The following SPHKAP variants were observed in gnomAD, a reference collection of about 807,000 sequenced individuals.
The protein encoded by SPHKAP is SPHK1 interactor, AKAP domain containing.
A neutral mutation model predicts 137.5 loss-of-function variants in SPHKAP; 67 were observed. The observed-to-expected ratio is 0.49, with a 90% CI of 0.40 to 0.60. The LOEUF (loss-of-function observed/expected upper bound fraction) is 0.60. SPHKAP is among the 20% of genes least tolerant of loss of function. The pLI, the probability that SPHKAP is intolerant of heterozygous loss-of-function variation, is 0.00. For synonymous variants in SPHKAP, 813 were observed against 785.3 expected (o/e 1.04, Z -0.59); for missense variants, 2,097 against 2,069.3 (o/e 1.01, Z -0.26).
chr2:228,091,338 G>A (rs776687847), intron 3 of SPHKAP, among the ~76,000 whole-genome samples: 10 of 152,202 alleles, frequency 6.6e-5, no homozygotes, highest in African/African-American at 7.2e-5. Context: ...TGGAAAACCC[G>A]TTCTAGACAT....
chr2:228,074,526 C>T (rs991526584), intron 3 of SPHKAP, among the ~76,000 whole-genome samples: 6 of 152,040 alleles, frequency 3.9e-5, no homozygotes, highest in Non-Finnish European at 8.8e-5. Context: ...CTCGTGAGAA[C>T]CACTCACTAT....
Position 228,148,954 on chromosome 2 carries a change from T to C in SPHKAP, c.33-16869A>G, listed in dbSNP as rs947910428. On this transcript the variant is annotated intron_variant, in intron 1 of 11. Coordinates refer to ENST00000392056, the MANE Select transcript of SPHKAP (RefSeq NM_001142644.2). ...AAAACTCAGGAAAGAGTTGAAAGTT[T>C]GCAAATATATTTCCAGATAACATCT... 2.0e-5 allele frequency among the ~76,000 whole-genome samples: 3 copies of C among 152,322 alleles called. No individual in the cohort carries two copies. The East Asian group carries it at 5.8e-4, about 29-fold the overall frequency.
chr2:228,001,790 A>G (rs530627804), intron 7 of SPHKAP, among the ~76,000 whole-genome samples: 108 of 151,872 alleles, frequency 7.1e-4, no homozygotes, highest in Non-Finnish European at 1.4e-3. Context: ...TCATTGTTCA[A>G]TTCCCACCTA....
intron 1 of SPHKAP, among the ~76,000 whole-genome samples, chr2:228,163,294 C>A (rs931247997): frequency 1.1e-4 from 17 of 151,072 alleles, no homozygotes; most frequent in Non-Finnish European, 4.4e-5. Context: ...GCATGGGGAT[C>A]CAGGGAGACA....
intron 3 of SPHKAP, among the ~76,000 whole-genome samples, chr2:228,034,894 G>A (rs1695522278): frequency 1.3e-5 from 2 of 151,894 alleles, no homozygotes; most frequent in South Asian, 2.1e-4. Flanking sequence ...AATAATGAGA[G>A]CTATCTATGA....
chr2:228,170,155 A>G (rs1348677907), intron 1 of SPHKAP, among the ~76,000 whole-genome samples: 1 of 152,118 alleles, frequency 6.6e-6, no homozygotes, highest in Non-Finnish European at 1.5e-5. Flanking sequence ...AATTGCTGCA[A>G]TCTCATGATA....
intron 4 of SPHKAP, chr2:228,025,780 A>G: frequency 1.3e-6 from 1 of 798,658 alleles, no homozygotes; most frequent in Non-Finnish European, 1.5e-6. Flanking sequence ...GTAAACATAA[A>G]GTAAACATTA....
intron 3 of SPHKAP, 41 bp from the exon 4 acceptor site, chr2:228,027,584 C>T (rs1695093390): frequency 6.3e-7 from 1 of 1,592,560 alleles, no homozygotes; most frequent in Non-Finnish European, 8.6e-7. Context: ...AAGTCAAAAA[C>T]CTGACTGTCT....
At chr2:228,087,333 G>A (rs887537933) in intron 3 of SPHKAP, among the ~76,000 whole-genome samples, 10 of 152,126 alleles carry the variant, frequency 6.6e-5, no homozygotes, top group Non-Finnish European at 1.5e-4. Flanking sequence ...ACCCAGAGTT[G>A]TTAGATAAAG....
chr2:228,063,174 A>ATCTATCTATCTATCTATC (rs756046439), intron 3 of SPHKAP, among the ~76,000 whole-genome samples: 1 of 147,176 alleles, frequency 6.8e-6, no homozygotes, highest in African/African-American at 2.5e-5. Context: ...CTATCTATCT[A>ATCTATCTATCTATCTATC]TCTGTCTGTC....
chr2:228,138,345 A>T (rs980932872), intron 1 of SPHKAP, among the ~76,000 whole-genome samples: 1 of 151,998 alleles, frequency 6.6e-6, no homozygotes, highest in Non-Finnish European at 1.5e-5. Context: ...GACAGCTCTC[A>T]CTCCTGCTGC....
chr2:228,003,627 C>G (rs1693998346), intron 7 of SPHKAP, among the ~76,000 whole-genome samples: 1 of 152,176 alleles, frequency 6.6e-6, no homozygotes, highest in East Asian at 1.9e-4. Flanking sequence ...GAAAGGGCAT[C>G]CCTGTCTTGT....
intron 3 of SPHKAP, among the ~76,000 whole-genome samples, chr2:228,102,041 C>T (rs895730740): frequency 2.0e-5 from 3 of 152,162 alleles, no homozygotes; most frequent in African/African-American, 7.2e-5. Flanking sequence ...GAGCAATTTA[C>T]TCAAAATAAA....
At chr2:228,094,288 A>G (rs1264457595) in intron 3 of SPHKAP, among the ~76,000 whole-genome samples, 1 of 152,182 alleles carries the variant, frequency 6.6e-6, no homozygotes, top group African/African-American at 2.4e-5. Flanking sequence ...TGGCTTTACT[A>G]CTAATTTACT....
chr2:227,991,342 A>G lies in SPHKAP; in HGVS notation c.4722-16T>C. On this transcript the variant is annotated splice_polypyrimidine_tract_variant and intron_variant, in intron 9 of 11. Coordinates refer to ENST00000392056, the MANE Select transcript of SPHKAP (RefSeq NM_001142644.2). Reference sequence around the variant, plus strand: ...TACTAATTCACTTTGGGAGAAAACAACAGTATATGGTTGGTAATGTTTAGA... The same window carrying G: ...TACTAATTCACTTTGGGAGAAAACAGCAGTATATGGTTGGTAATGTTTAGA... The G allele has an allele frequency of 6.2e-7, 1 of 1,614,146 alleles. No individual in the cohort carries two copies.
intron 3 of SPHKAP, among the ~76,000 whole-genome samples, chr2:228,047,200 T>TA (rs558775166): frequency 8.4e-4 from 128 of 152,326 alleles, no homozygotes; most frequent in African/African-American, 2.8e-3. Context: ...GTGCAGTGGC[T>TA]AATGCCTGTA....
intron 3 of SPHKAP, among the ~76,000 whole-genome samples, chr2:228,104,897 A>C (rs147430773): frequency 1.6e-3 from 242 of 152,330 alleles, no homozygotes; most frequent in African/African-American, 5.6e-3. Flanking sequence ...GAAAAGTCAA[A>C]AATTAAATTC....
At chr2:228,134,315 C>G (rs2106378602) in intron 1 of SPHKAP, among the ~76,000 whole-genome samples, 1 of 152,174 alleles carries the variant, frequency 6.6e-6, no homozygotes, top group South Asian at 2.1e-4. Context: ...AAGAAATTAG[C>G]TCCATTTCCT....
rs115614485 is a variant in SPHKAP at position 227,999,322 on chromosome 2, T to C, written c.4449-3628A>G. 8.1e-3 allele frequency among the ~76,000 whole-genome samples: 1,230 copies of C among 152,178 alleles called. 18 individuals carry two copies. The highest frequency in any genetic ancestry group is 0.027 in the African/African-American group (1,129 of 41,518). On this transcript the variant is annotated intron_variant, in intron 7 of 11. Coordinates refer to ENST00000392056, the MANE Select transcript of SPHKAP (RefSeq NM_001142644.2). The stretch of plus-strand genomic sequence containing the variant: ...AATATTGAGATTTTTCCAAATCATG[T>C]AGGGAGGAAGGAGGAGAATGGTGCA...
Sources: gnomAD v4.1 joint callset for allele counts (sites outside exome capture counted in the v4.1 genomes callset) on GRCh38, gnomAD v4.1.1 for gene constraint, MANE v1.5 for transcripts, NCBI Gene and HGNC (gene_info 2026-07-23, HGNC 2026-07-21) for gene names.